NCF4: variants seen among roughly 807,000 people sequenced by gnomAD.
The protein encoded by NCF4 is neutrophil cytosolic factor 4, also known as neutrophil cytosol factor 4.
In NCF4, 30 loss-of-function variants were observed where a neutral mutation model predicts 41.7. The observed-to-expected ratio is 0.72, with a 90% confidence interval of 0.54 to 0.97. The LOEUF is 0.97. Ranked by LOEUF, NCF4 falls within the 50% of genes least tolerant of loss-of-function variation. NCF4 has a pLI of 0.00. For synonymous variants in NCF4, 195 were observed against 175.8 expected (o/e 1.11, Z -0.87); for missense variants, 432 against 460.9 (o/e 0.94, Z 0.57).
At chr22:36,863,925 GC>G in intron 1 of NCF4, 119 bp from the exon 2 acceptor site, 1 of 939,310 alleles carries the variant, frequency 1.1e-6, no homozygotes, top group African/African-American at 1.6e-5. Context: ...GGGAAGGGGT[GC>G]TGAGAGACGA....
rs1251790548 is a variant in NCF4 at position 36,878,000 on chromosome 22, T to C, written c.*177T>C. The C allele has an allele frequency of 1.5e-6, 1 of 661,128 alleles. No individual in the cohort carries two copies. The highest frequency in any genetic ancestry group is 2.5e-6 in the Non-Finnish European group (1 of 392,978). The allele number at this position is 661,128 out of a possible 1,614,324, so 41.0% of individuals were successfully genotyped here. ...ATTTACATCTGATTTAAATAAACCA[T>C]TCCATCTGAAAGGGGCAGGCTGCGG... On this transcript the variant is annotated 3_prime_UTR_variant, in exon 10 of 10. Transcript: ENST00000248899.
In NCF4 at chr22:36,865,710, T is replaced by C. The variant is rs967528996; in HGVS notation, c.271+638T>C. Among the ~76,000 whole-genome samples the C allele has an allele frequency of 1.1e-4, 17 of 152,318 alleles. No individual in the cohort carries two copies. The highest frequency in any genetic ancestry group is 3.4e-4 in the African/African-American group (14 of 41,566). On this transcript the variant is annotated intron_variant, in intron 3 of 9. Coordinates refer to ENST00000248899, the MANE Select transcript of NCF4 (RefSeq NM_000631.5). The surrounding 1 kb of genome is among the most constrained non-coding windows in gnomAD (Gnocchi z 4.3). Reference sequence around the variant, plus strand: ...ACGAATGGGTTACACGGGGGTGGTCTCAGCGGCGCCCTTCGTGCCCTGCAA... The same window carrying C: ...ACGAATGGGTTACACGGGGGTGGTCCCAGCGGCGCCCTTCGTGCCCTGCAA...
At chr22:36,861,364 A>C (rs538465190) in intron 1 of NCF4, among the ~76,000 whole-genome samples, 161 bp downstream of exon 1, 1 of 152,344 alleles carries the variant, frequency 6.6e-6, no homozygotes, top group Admixed American at 6.5e-5. Flanking sequence ...TGCTTTAACG[A>C]AACTTTGAGC....
chr22:36,868,138 G>A (rs1939971989), intron 4 of NCF4, among the ~76,000 whole-genome samples: 1 of 152,254 alleles, frequency 6.6e-6, no homozygotes, highest in South Asian at 2.1e-4. Flanking sequence ...GAAAGGGGCA[G>A]TGTTCCTCAT....
rs1939896491 is a variant in NCF4, at chr22:36,865,111, G to T, written c.271+39G>T. 1 of 1,602,308 alleles carries T rather than the reference G, an allele frequency of 6.2e-7. No homozygotes were observed. The highest frequency in any genetic ancestry group is 8.5e-7 in the Non-Finnish European group (1 of 1,179,444). ...CCCGTCCTGCTGCTGCAGAGCTGCT[G>T]ACTCTCCTTCCTTCCAGGGCCCCTG... On this transcript the variant is annotated intron_variant, in intron 3 of 9. Transcript: ENST00000248899. The surrounding 1 kb of genome is among the most constrained non-coding windows in gnomAD (Gnocchi z 4.3).
At chr22:36,863,906 A>AC (rs1285226135) in intron 1 of NCF4, 139 bp from the exon 2 acceptor site, 1 of 819,384 alleles carries the variant, frequency 1.2e-6, no homozygotes, top group Non-Finnish European at 2.1e-6. Context: ...CAGTGGCTGG[A>AC]CCTGGCCTGG....
intron 2 of NCF4, 99 bp from the exon 3 acceptor site, chr22:36,864,820 A>G (rs1601547072): frequency 1.4e-6 from 2 of 1,460,750 alleles, no homozygotes; most frequent in Admixed American, 1.8e-5. Flanking sequence ...CCTTATCCTC[A>G]TCATCTTCCT....
At chr22:36,867,301 T>C in intron 3 of NCF4, 91 bp from the exon 4 acceptor site, 5 of 1,362,442 alleles carry the variant, frequency 3.7e-6, no homozygotes, top group Non-Finnish European at 5.2e-6. Context: ...GGGAAGGGGC[T>C]CTGGCCAGGG....
chr22:36,864,436 A>G (rs1249221506), intron 2 of NCF4, among the ~76,000 whole-genome samples: 1 of 152,200 alleles, frequency 6.6e-6, no homozygotes, highest in East Asian at 1.9e-4. Flanking sequence ...ACTAAGATTG[A>G]GAAATCCTGA....
At chr22:36,862,140 G>T (rs1470134951) in intron 1 of NCF4, among the ~76,000 whole-genome samples, 1 of 152,206 alleles carries the variant, frequency 6.6e-6, no homozygotes, top group Non-Finnish European at 1.5e-5. Flanking sequence ...AGGACGCAAA[G>T]CCTGGCCCCT....
chr22:36,877,765 C>T lies in NCF4; in HGVS notation c.962C>T (p.Pro321Leu). The stretch of plus-strand genomic sequence containing the variant: ...CTCCCCTCCCAGAAGCGCCTCTTCC[C>T]CTGGAAGCTGCACATCACGCAGAAG... ...RGLPSQKRLF[P>L]WKLHITQKDN... Residue 321 changes from proline (P) to leucine (L), a missense_variant, in exon 10 of 10, where the codon CCC (proline) becomes CTC (leucine). Pro to Leu is a moderately conservative substitution (Grantham distance 98). Coordinates refer to ENST00000248899, the MANE Select transcript of NCF4 (RefSeq NM_000631.5). 6.2e-7 allele frequency: 1 copy of T among 1,614,068 alleles called. No individual in the cohort carries two copies. The highest frequency in any genetic ancestry group is 8.5e-7 in the Non-Finnish European group (1 of 1,180,016).
rs530828335 is a variant in NCF4, at chr22:36,873,693, C to A, written c.627+1268C>A. ...GTTTCTTGGTCTGTAATGGGTGTCT[C>A]AGCAGGGGCACTATTGACATTGGGG... On this transcript the variant is annotated intron_variant, in intron 7 of 9. Coordinates refer to ENST00000248899, the MANE Select transcript of NCF4 (RefSeq NM_000631.5). Among the ~76,000 whole-genome samples the A allele has an allele frequency of 2.0e-5, 3 of 152,228 alleles. 1 individual carries two copies. In the South Asian group the frequency reaches 6.2e-4, roughly 32 times the overall value.
intron 7 of NCF4, among the ~76,000 whole-genome samples, chr22:36,873,136 A>G (rs3827352): frequency 0.66 from 96,725 of 145,726 alleles, 33,141 homozygotes; most frequent in Admixed American, 0.75. Flanking sequence ...GATTGGAGGT[A>G]AGATTAGAGG....
At chr22:36,873,262 G>A (rs1175511150) in intron 7 of NCF4, among the ~76,000 whole-genome samples, 1 of 151,654 alleles carries the variant, frequency 6.6e-6, no homozygotes, top group Non-Finnish European at 1.5e-5. Flanking sequence ...TAAGATTAGA[G>A]GTGAGGATGG....
At chr22:36,877,389 G>A (rs747612574) in intron 9 of NCF4, among the ~76,000 whole-genome samples, 11 of 151,930 alleles carry the variant, frequency 7.2e-5, no homozygotes, top group Non-Finnish European at 1.0e-4. Context: ...TGCCTGCCTC[G>A]GCCTCCCAAA....
Position 36,870,527 on chromosome 22 carries a change from C to A in NCF4, c.455C>A (p.Pro152Gln). The A allele has an allele frequency of 6.2e-7, 1 of 1,612,542 alleles. No homozygotes were observed. The highest frequency in any genetic ancestry group is 8.5e-7 in the Non-Finnish European group (1 of 1,180,034). Reference protein sequence around the residue: ...QVPQALRRLRPRTRKVKSVSP... With the variant: ...QVPQALRRLRQRTRKVKSVSP... Reference sequence around the variant, plus strand: ...CCCCAGGCACTCCGCCGGCTCCGCCCGCGCACCCGGAAAGTGTAAGTGACC... The same window carrying A: ...CCCCAGGCACTCCGCCGGCTCCGCCAGCGCACCCGGAAAGTGTAAGTGACC... Residue 152 changes from proline (P) to glutamine (Q), a missense_variant, in exon 5 of 10, where the codon CCG becomes CAG. Physicochemically the swap from Pro to Gln is moderately conservative, Grantham distance 76. Coordinates refer to ENST00000248899, the MANE Select transcript of NCF4 (RefSeq NM_000631.5).
intron 7 of NCF4, among the ~76,000 whole-genome samples, chr22:36,872,786 T>G (rs1601554112): frequency 2.4e-5 from 3 of 126,680 alleles, no homozygotes; most frequent in East Asian, 2.5e-4. Flanking sequence ...AGGGTGAAGG[T>G]GAGGATGGAG....
chr22:36,861,089 T>C lies in NCF4; in HGVS notation c.-83T>C. ...CCACAGGCTGAGACGAGACGCAGGG[T>C]GGCTGGAGGAAGTGAGAGGTGAACT... On this transcript the variant is annotated 5_prime_UTR_variant, in exon 1 of 10. Transcript: ENST00000248899. 1 of 1,523,424 alleles carries C rather than the reference T, an allele frequency of 6.6e-7. No individual in the cohort carries two copies. The highest frequency in any genetic ancestry group is 8.9e-7 in the Non-Finnish European group (1 of 1,122,164). 94.4% of individuals were successfully genotyped at this position (1,523,424 alleles called of 1,614,324 possible).
At chr22:36,864,449 G>A (rs751150219) in intron 2 of NCF4, among the ~76,000 whole-genome samples, 13 of 152,132 alleles carry the variant, frequency 8.5e-5, no homozygotes, top group East Asian at 1.9e-4. Context: ...AATCCTGATC[G>A]CGTCCTTTGA....
Sources: gnomAD v4.1 joint callset for allele counts (sites outside exome capture counted in the v4.1 genomes callset) on GRCh38, gnomAD v4.1.1 for gene constraint, Gnocchi (gnomAD v3.1) non-coding constraint, MANE v1.5 for transcripts, NCBI Gene and HGNC (gene_info 2026-07-23, HGNC 2026-07-21) for gene names.